Variants in DMD observed in about 807,000 individuals in gnomAD.
DMD encodes the protein mutant dystrophin.
DMD carries 63 observed loss-of-function variants against 330.1 expected under a neutral mutation model. The observed-to-expected ratio is 0.19, with a 90% CI of 0.16 to 0.24. The LOEUF is 0.24. DMD is among the 10% of genes least tolerant of loss of function. DMD has a pLI of 1.00. For synonymous variants in DMD, 1,223 were observed against 959.8 expected (o/e 1.27, Z -5.07); for missense variants, 3,344 against 2,684.1 (o/e 1.25, Z -5.43).
chrX:32,555,576 C>G (rs2050207410), intron 16 of DMD, among the ~76,000 whole-genome samples: 1 of 111,766 alleles, frequency 8.9e-6, no homozygotes, highest in African/African-American at 3.2e-5. Context: ...AGACTTCAAA[C>G]TATACTACAA....
intron 60 of DMD, among the ~76,000 whole-genome samples, chrX:31,352,248 T>G (rs1338521316): frequency 9.3e-6 from 1 of 107,806 alleles, no homozygotes; most frequent in Admixed American, 9.8e-5. Context: ...GGAAAACGCG[T>G]GCAAATAAAT....
chrX:33,244,087 T>G (rs1336754770), intron 1 of DMD, among the ~76,000 whole-genome samples: 1 of 112,076 alleles, frequency 8.9e-6, no homozygotes, highest in East Asian at 2.8e-4. Context: ...TTTTTCCTAT[T>G]TGGATGCCTT....
intron 7 of DMD, among the ~76,000 whole-genome samples, chrX:32,704,508 C>A (rs755755784): frequency 9.0e-6 from 1 of 111,691 alleles, no homozygotes; most frequent in East Asian, 2.8e-4. Context: ...AAGGGACAGG[C>A]AGGAATGGAA....
intron 13 of DMD, among the ~76,000 whole-genome samples, chrX:32,580,940 C>T (rs2053589574): frequency 9.0e-6 from 1 of 110,797 alleles, no homozygotes; most frequent in Non-Finnish European, 1.9e-5. Flanking sequence ...GATTCTTGTG[C>T]CTCAGTTTCC....
chrX:31,434,631 C>G (rs951072717), intron 60 of DMD, among the ~76,000 whole-genome samples: 2 of 111,482 alleles, frequency 1.8e-5, no homozygotes, highest in Non-Finnish European at 3.8e-5. Context: ...GAATCCCTAT[C>G]ATCTCAAACA....
intron 41 of DMD, among the ~76,000 whole-genome samples, chrX:32,312,720 C>T (rs1340299758): frequency 2.8e-5 from 3 of 107,326 alleles, no homozygotes; most frequent in Non-Finnish European, 5.8e-5. Flanking sequence ...CAAAGAGGCA[C>T]AATAAAAAAT....
At chrX:31,609,070 G>C (rs2077761428) in intron 55 of DMD, among the ~76,000 whole-genome samples, 1 of 112,062 alleles carries the variant, frequency 8.9e-6, no homozygotes, top group Non-Finnish European at 1.9e-5. Flanking sequence ...CTAGATGATT[G>C]TTATGTATTT....
At chrX:32,732,704 G>T (rs1330121852) in intron 7 of DMD, among the ~76,000 whole-genome samples, 1 of 110,805 alleles carries the variant, frequency 9.0e-6, no homozygotes, top group African/African-American at 3.3e-5. Context: ...CTACAGACAA[G>T]CAAATGCTGA....
intron 48 of DMD, among the ~76,000 whole-genome samples, chrX:31,871,478 A>C (rs1038109430): frequency 2.7e-5 from 3 of 110,476 alleles, no homozygotes; most frequent in Non-Finnish European, 5.7e-5. Context: ...TGAGGCTCAC[A>C]GAGAGAGGGT....
At chrX:31,475,462 G>A (rs758607186) in intron 59 of DMD, among the ~76,000 whole-genome samples, 1 of 111,963 alleles carries the variant, frequency 8.9e-6, no homozygotes, top group Non-Finnish European at 1.9e-5. Context: ...TGTGTGACAA[G>A]TATGGCTAAA....
At chrX:32,624,140 C>G (rs12557761) in intron 11 of DMD, among the ~76,000 whole-genome samples, 1 of 111,624 alleles carries the variant, frequency 9.0e-6, no homozygotes, top group East Asian at 2.8e-4. Context: ...ATCTACCATG[C>G]ACAGATAGGA....
intron 9 of DMD, among the ~76,000 whole-genome samples, chrX:32,688,150 C>T (rs1409972431): frequency 9.0e-6 from 1 of 111,054 alleles, no homozygotes; most frequent in Non-Finnish European, 1.9e-5. Context: ...TAAATTCCAT[C>T]CAATAATTCA....
intron 1 of DMD, among the ~76,000 whole-genome samples, chrX:33,204,384 A>T (rs2148839489): frequency 9.0e-6 from 1 of 111,541 alleles, no homozygotes; most frequent in African/African-American, 3.2e-5. Context: ...ATTCAGAAAC[A>T]TTGCTCCCTC....
intron 54 of DMD, among the ~76,000 whole-genome samples, chrX:31,643,108 C>T (rs754174484): frequency 1.8e-5 from 2 of 111,580 alleles, no homozygotes; most frequent in African/African-American, 6.5e-5. Flanking sequence ...CTCTTAGAGA[C>T]CATTGTTCAT....
intron 33 of DMD, among the ~76,000 whole-genome samples, chrX:32,384,742 A>C (rs926162161): frequency 9.0e-6 from 1 of 110,744 alleles, no homozygotes; most frequent in African/African-American, 3.3e-5. Context: ...ATGGACATTC[A>C]TATTTCTGTC....
At chrX:32,901,295 G>T (rs776976783) in intron 2 of DMD, among the ~76,000 whole-genome samples, 1 of 111,197 alleles carries the variant, frequency 9.0e-6, no homozygotes, top group South Asian at 3.8e-4. Flanking sequence ...TTTTTTAAAG[G>T]GAAAAGAATA....
chrX:33,070,267 C>T (rs1359064519), intron 1 of DMD, among the ~76,000 whole-genome samples: 1 of 111,431 alleles, frequency 9.0e-6, no homozygotes, highest in Non-Finnish European at 1.9e-5. Context: ...TGCCTATGTA[C>T]ACGCACACAT....
chrX:32,343,148 C>T lies in DMD; in HGVS notation c.5725G>A (p.Glu1909Lys). The T allele has an allele frequency of 8.3e-7, 1 of 1,210,511 alleles. No homozygotes were observed. Among genetic ancestry groups the T allele is most frequent in the Non-Finnish European group, 1.1e-6 (1 of 894,731 alleles). Residue 1909 changes from glutamate (E) to lysine (K), a missense_variant, in exon 40 of 79, where the codon GAA (glutamate) becomes AAA (lysine). Physicochemically the swap from Glu to Lys is moderately conservative, Grantham distance 56. Coordinates refer to ENST00000357033, the MANE Select transcript of DMD (RefSeq NM_004006.3). ...AACAACATTACCTTTATTTTCCTTT[C>T]ATCTCTGGGCTCAGGTAGGCTGGCT... ...KLASLPEPRD[E>K]RKIKEIDREL...
chrX:32,598,598 AAT>A (rs903258077), intron 12 of DMD, among the ~76,000 whole-genome samples: 9 of 112,103 alleles, frequency 8.0e-5, no homozygotes, highest in Admixed American at 9.5e-5. Context: ...TCACAATTTT[AAT>A]ATATTTTACT....
Sources: allele counts gnomAD v4.1 joint callset (sites outside exome capture counted in the v4.1 genomes callset), GRCh38; gene constraint gnomAD v4.1.1; transcripts MANE v1.5; gene names NCBI Gene and HGNC (gene_info 2026-07-23, HGNC 2026-07-21).